The following SHTN1 variants were observed in gnomAD, a reference collection of about 807,000 sequenced individuals.
SHTN1 encodes shootin 1, also known as shootin-1.
SHTN1 carries 42 observed loss-of-function variants against 83.1 expected under a neutral mutation model. That is an observed-to-expected ratio of 0.51 (90% CI 0.39 to 0.65). SHTN1 has a LOEUF of 0.65. Ranked by LOEUF, SHTN1 falls within the 30% of genes least tolerant of loss-of-function variation. SHTN1 has a pLI of 0.00. For synonymous variants in SHTN1, 224 were observed against 247.7 expected (o/e 0.90, Z 0.90); for missense variants, 622 against 737.8 (o/e 0.84, Z 1.82).
chr10:116,983,696 ATACATACATAC>A, intron 1 of SHTN1, among the ~76,000 whole-genome samples: 2 of 6,690 alleles, frequency 3.0e-4, no homozygotes, highest in Non-Finnish European at 2.9e-3. Flanking sequence ...AAATACATAC[ATACATACATAC>A]ATACATACAT....
In SHTN1 at chr10:116,915,456, T is replaced by C. The variant is rs1189236207; in HGVS notation, c.1224A>G (p.Gln408=). The change falls in exon 13 of 17, where the codon CAA becomes CAG. Residue 408 remains glutamine (Q), a synonymous_variant. Transcript: ENST00000355371. ...TTCTATCCATCATCTCTTCAACTGC[T>C]TGCCTCTTTAGATCTGTGACTTCTT... The part of the protein sequence containing the change: ...TTEEVTDLKR[Q]AVEEMMDRIK... The C allele has an allele frequency of 6.2e-7, 1 of 1,609,688 alleles. No homozygotes were observed. Among genetic ancestry groups the C allele is most frequent in the Non-Finnish European group, 8.5e-7 (1 of 1,176,028 alleles).
At chr10:116,963,060 T>G (rs1850247943) in intron 3 of SHTN1, among the ~76,000 whole-genome samples, 7 of 65,716 alleles carry the variant, frequency 1.1e-4, no homozygotes, top group Non-Finnish European at 5.6e-5. Context: ...TTTTTTTTTT[T>G]TTTTTTTTTT....
chr10:116,893,576 G>GTGCACACACACACACACACACACACACA (rs1554905666), intron 16 of SHTN1, among the ~76,000 whole-genome samples: 12 of 123,594 alleles, frequency 9.7e-5, no homozygotes, highest in Non-Finnish European at 1.6e-4. Context: ...GCACTCATGT[G>GTGCACACACACACACACACACACACACA]CACACACACA....
rs1264552902 is a variant in SHTN1, at chr10:116,963,149, G to A, written c.173-2919C>T. On this transcript the variant is annotated intron_variant, in intron 3 of 16. Coordinates refer to ENST00000355371, the MANE Select transcript of SHTN1 (RefSeq NM_001127211.3). Reference sequence around the variant, plus strand: ...TGCAGTGGCGCAATCTCGGCTCACTGCAAGCTCCGCCTCCCGGGTTCACGC... The same window carrying A: ...TGCAGTGGCGCAATCTCGGCTCACTACAAGCTCCGCCTCCCGGGTTCACGC... Among the ~76,000 whole-genome samples the A allele has an allele frequency of 4.6e-5, 6 of 131,040 alleles. No homozygotes were observed. The East Asian group carries it at 9.7e-4, about 21-fold the overall frequency. The allele number at this position is 131,040 out of a possible 152,430, so 86.0% of individuals were successfully genotyped here.
intron 1 of SHTN1, among the ~76,000 whole-genome samples, chr10:117,090,932 C>T (rs1439098875): frequency 6.6e-6 from 1 of 152,102 alleles, no homozygotes. Flanking sequence ...AAGACTTTTT[C>T]TTTAAAGGCT....
intron 1 of SHTN1, among the ~76,000 whole-genome samples, chr10:117,076,912 T>C (rs1186735550): frequency 6.6e-6 from 1 of 152,192 alleles, no homozygotes; most frequent in African/African-American, 2.4e-5. Context: ...CCATTATTAT[T>C]AATTTAGGGT....
chr10:116,914,015 A>AT (rs553189188), intron 13 of SHTN1, among the ~76,000 whole-genome samples: 53 of 152,284 alleles, frequency 3.5e-4, no homozygotes, highest in African/African-American at 1.2e-3. Flanking sequence ...AGACTGAACT[A>AT]TTTTACGTGG....
rs1849524687 is a variant in SHTN1, at chr10:116,945,018, A to G, written c.617T>C (p.Val206Ala). Residue 206 changes from valine (V) to alanine (A), a missense_variant and splice_region_variant, in exon 8 of 17, where the codon GTG (valine) becomes GCG (alanine). Around this residue, in one of 3 missense-constraint regions of SHTN1, gnomAD observed 383 missense variants for 455.8 expected, o/e 0.84. Coordinates refer to ENST00000355371, the MANE Select transcript of SHTN1 (RefSeq NM_001127211.3). ...QRKVLEKCNR[V>A]SMLAVEEYEE... ...ATACTCTTCTACAGCTAACATGGACACTTAAGAAGATAAAGGAAAAAAAAA... is the reference window on the plus strand; with the variant it reads ...ATACTCTTCTACAGCTAACATGGACGCTTAAGAAGATAAAGGAAAAAAAAA... 3 of 1,560,768 alleles carry G rather than the reference A, an allele frequency of 1.9e-6. No homozygotes were observed. Among genetic ancestry groups the G allele is most frequent in the Admixed American group, 1.8e-5 (1 of 56,288 alleles).
At chr10:117,054,608 G>A (rs985148439) in intron 1 of SHTN1, among the ~76,000 whole-genome samples, 4 of 151,804 alleles carry the variant, frequency 2.6e-5, no homozygotes, top group South Asian at 4.2e-4. Context: ...GAGGTTTCAC[G>A]GTGTTAGCCA....
intron 8 of SHTN1, 108 bp from the exon 9 acceptor site, chr10:116,940,720 G>A (rs1849337735): frequency 3.6e-6 from 3 of 822,730 alleles, no homozygotes; most frequent in Non-Finnish European, 5.3e-6. Context: ...AATCATTAAA[G>A]GCAAATTCTG....
At chr10:117,003,154 T>C (rs534720678) in intron 1 of SHTN1, among the ~76,000 whole-genome samples, 2 of 152,124 alleles carry the variant, frequency 1.3e-5, no homozygotes, top group Admixed American at 1.3e-4. Context: ...AGATCTGATA[T>C]CCACTGACAG....
chr10:116,893,569 C>G (rs1589779606), intron 16 of SHTN1, among the ~76,000 whole-genome samples: 1 of 149,394 alleles, frequency 6.7e-6, no homozygotes, highest in East Asian at 2.0e-4. Flanking sequence ...CTGATAGGCA[C>G]TCATGTGCAC....
chr10:116,978,947 A>T (rs1252219939), intron 2 of SHTN1, among the ~76,000 whole-genome samples: 1 of 152,208 alleles, frequency 6.6e-6, no homozygotes, highest in African/African-American at 2.4e-5. Flanking sequence ...CAGAATCCCA[A>T]ATCTGACTGT....
chr10:117,124,776 A>G (rs1293530358), intron 1 of SHTN1, among the ~76,000 whole-genome samples: 2 of 152,254 alleles, frequency 1.3e-5, no homozygotes, highest in Non-Finnish European at 2.9e-5. Context: ...TCCGTCTCAA[A>G]AAATAAGATA....
At chr10:116,899,129 A>G (rs1022274557) in intron 16 of SHTN1, among the ~76,000 whole-genome samples, 1 of 152,236 alleles carries the variant, frequency 6.6e-6, no homozygotes, top group Non-Finnish European at 1.5e-5. Flanking sequence ...TGTGTAAGAC[A>G]CACCAGTAGA....
chr10:116,886,887 A>T (rs1270713968), intron 16 of SHTN1, among the ~76,000 whole-genome samples: 4 of 152,214 alleles, frequency 2.6e-5, no homozygotes, highest in Non-Finnish European at 5.9e-5. Context: ...CAAACTGTGA[A>T]CTTCTCACAG....
intron 1 of SHTN1, among the ~76,000 whole-genome samples, chr10:116,999,642 C>T (rs558707288): frequency 3.3e-5 from 5 of 152,236 alleles, no homozygotes; most frequent in South Asian, 2.1e-4. Context: ...CAGCTGGGTG[C>T]GGTGGCTCAC....
At chr10:116,938,123 C>T (rs576850270) in intron 9 of SHTN1, among the ~76,000 whole-genome samples, 4 of 151,956 alleles carry the variant, frequency 2.6e-5, no homozygotes, top group South Asian at 2.1e-4. Context: ...TCCTTTAACT[C>T]GGAGGAGTTT....
intron 4 of SHTN1, among the ~76,000 whole-genome samples, chr10:116,957,989 G>C (rs1369842116): frequency 1.3e-5 from 2 of 152,160 alleles, no homozygotes; most frequent in Admixed American, 1.3e-4. Flanking sequence ...GAATCTGGGA[G>C]GTGGAGGTTG....
Sources: gnomAD v4.1 joint callset for allele counts (sites outside exome capture counted in the v4.1 genomes callset) on GRCh38, gnomAD v4.1.1 for gene constraint, gnomAD v4.1.1 regional missense constraint, MANE v1.5 for transcripts, NCBI Gene and HGNC (gene_info 2026-07-23, HGNC 2026-07-21) for gene names.